The following EIF4E2 variants were observed in gnomAD, a reference collection of about 807,000 sequenced individuals.
EIF4E2 encodes eukaryotic translation initiation factor 4E family member 2.
A neutral mutation model predicts 34.2 loss-of-function variants in EIF4E2; 13 were observed. The ratio of observed to expected loss-of-function variants is 0.38; its 90% CI spans 0.25 to 0.60. The LOEUF is 0.60. Ranked by LOEUF, EIF4E2 falls within the 20% of genes least tolerant of loss-of-function variation. The pLI, the probability that EIF4E2 is intolerant of heterozygous loss-of-function variation, is 0.62. For synonymous variants in EIF4E2, 100 were observed against 106.6 expected, an observed-to-expected ratio of 0.94 and a Z score of 0.38; for missense variants, 222 against 315.1, an observed-to-expected ratio of 0.70 and a Z score of 2.24.
chr2:232,578,699 C>T (rs751199703), intron 6 of EIF4E2, among the ~76,000 whole-genome samples: 5 of 151,960 alleles, frequency 3.3e-5, no homozygotes, highest in Admixed American at 1.3e-4. Flanking sequence ...GAATTTATTT[C>T]TGGCCCACCT....
intron 6 of EIF4E2, chr2:232,567,927 C>T (rs1479648115): frequency 1.0e-6 from 1 of 984,388 alleles, no homozygotes; most frequent in Non-Finnish European, 1.2e-6. Flanking sequence ...GGAGGGAGAG[C>T]TAGCCAGCTA....
At chr2:232,563,141 T>G (rs1291210458) in intron 3 of EIF4E2, among the ~76,000 whole-genome samples, 3 of 152,260 alleles carry the variant, frequency 2.0e-5, no homozygotes, top group Non-Finnish European at 4.4e-5. Flanking sequence ...CTCAGCAGTT[T>G]AGCAGATACC....
chr2:232,574,350 T>C lies in EIF4E2; in HGVS notation c.666-6554T>C, dbSNP rs1408893253. The C allele has an allele frequency of 1.6e-5, 25 of 1,550,450 alleles. 1 individual carries two copies. The South Asian group carries it at 2.4e-4, about 15-fold the overall frequency. On this transcript the variant is annotated intron_variant, in intron 6 of 6. Transcript: ENST00000409098. ...TGTCTCTCACACTCAGGGTAGGGCC[T>C]TGTCTATCTTCTCTGTAACCCTGTG...
intron 1 of EIF4E2, among the ~76,000 whole-genome samples, chr2:232,554,986 G>C (rs370164461): frequency 6.6e-6 from 1 of 152,182 alleles, no homozygotes; most frequent in African/African-American, 2.4e-5. Context: ...ACCAGGGTAG[G>C]GATGGGAAGG....
In EIF4E2 at chr2:232,556,609, A is replaced by G. The variant is rs987285853; in HGVS notation, c.135+79A>G. ...CTTGTGGAATCTGTTTATCTGGAAGATACCAGATTAACTTGATGGCATCCT... is the reference window on the plus strand; with the variant it reads ...CTTGTGGAATCTGTTTATCTGGAAGGTACCAGATTAACTTGATGGCATCCT... On this transcript the variant is annotated intron_variant, in intron 2 of 6. Transcript: ENST00000258416. The G allele has an allele frequency of 1.1e-5, 11 of 1,035,962 alleles. No individual in the cohort carries two copies. The African/African-American group carries it at 1.4e-4, about 13-fold the overall frequency. 64.2% of individuals were successfully genotyped at this position (1,035,962 alleles called of 1,614,324 possible). A position where few individuals can be genotyped will look rare whatever the true frequency, so the allele number is the denominator to read the frequency against.
At chr2:232,556,558 G>C in intron 2 of EIF4E2, 28 bp downstream of exon 2, 2 of 1,472,496 alleles carry the variant, frequency 1.4e-6, no homozygotes, top group Non-Finnish European at 1.8e-6. Context: ...AGATGTAGTT[G>C]CCTTTGAACT....
At chr2:232,583,166 A>T (rs961813356) in exon 7 of EIF4E2, 1 of 152,214 alleles carries the variant, frequency 6.6e-6, no homozygotes, top group African/African-American at 2.4e-5. Context: ...GCAAAGGGAT[A>T]AAGGTCTACC....
chr2:232,571,445 G>C (rs1693089124), downstream of EIF4E2, among the ~76,000 whole-genome samples: 1 of 152,198 alleles, frequency 6.6e-6, no homozygotes, highest in African/African-American at 2.4e-5. Flanking sequence ...GGGGCTACCA[G>C]GATAAAACTG....
intron 6 of EIF4E2, among the ~76,000 whole-genome samples, chr2:232,577,800 C>T (rs1400028414): frequency 1.3e-5 from 2 of 152,174 alleles, no homozygotes; most frequent in Non-Finnish European, 2.9e-5. Flanking sequence ...TAAGCATAGC[C>T]CATTTGCTGT....
In EIF4E2 at chr2:232,566,889, C is replaced by G. The variant is rs770708405; in HGVS notation, c.436C>G (p.Arg146Gly). Residue 146 changes from arginine (R) to glycine (G), a missense_variant, in exon 5 of 7, where the codon CGT becomes GGT. Transcript: ENST00000258416. The surrounding 1 kb of genome is among the most constrained non-coding windows in gnomAD (Gnocchi z 4.9). ...TCGGCTGCGGAAGGGCTTGGCCTCC[C>G]GTTGCTGGGAGAATCTCATTTTGGC... ...IIRLRKGLAS[R>G]CWENLILAML... 1 of 1,613,510 alleles carries G rather than the reference C, an allele frequency of 6.2e-7. No homozygotes were observed. Among genetic ancestry groups the G allele is most frequent in the East Asian group, 2.2e-5 (1 of 44,870 alleles).
chr2:232,561,243 G>A (rs1316022815), intron 3 of EIF4E2, among the ~76,000 whole-genome samples: 1 of 152,056 alleles, frequency 6.6e-6, no homozygotes, highest in African/African-American at 2.4e-5. Context: ...AAACCAGCCT[G>A]GGCAACATAG....
At chr2:232,579,587 A>G (rs1035850044) in intron 6 of EIF4E2, among the ~76,000 whole-genome samples, 5 of 152,208 alleles carry the variant, frequency 3.3e-5, no homozygotes, top group Non-Finnish European at 5.9e-5. Flanking sequence ...AGTAACAGAA[A>G]GAAACTGCTG....
At chr2:232,563,558 C>G (rs1692801998) in intron 3 of EIF4E2, among the ~76,000 whole-genome samples, 1 of 152,116 alleles carries the variant, frequency 6.6e-6, no homozygotes, top group Admixed American at 6.5e-5. Flanking sequence ...AGAAGAGGGC[C>G]TTAAACCCTA....
At chr2:232,550,998 G>C in intron 1 of EIF4E2, 1 of 616,056 alleles carries the variant, frequency 1.6e-6, no homozygotes, top group South Asian at 1.9e-5. Flanking sequence ...GTGCCGCCCG[G>C]TAGGGGGAGA....
At chr2:232,557,253 A>G (rs1692554898) in intron 2 of EIF4E2, among the ~76,000 whole-genome samples, 1 of 152,200 alleles carries the variant, frequency 6.6e-6, no homozygotes, top group South Asian at 2.1e-4. Flanking sequence ...CAAAAAAACA[A>G]ACAAAGAAAT....
At chr2:232,563,951 G>A (rs1429761929) in intron 3 of EIF4E2, among the ~76,000 whole-genome samples, 3 of 152,168 alleles carry the variant, frequency 2.0e-5, no homozygotes, top group East Asian at 3.9e-4. Context: ...GTGGGAGAGT[G>A]CGTATTAACA....
At chr2:232,568,620 GAGAGGGAA>G (rs1693015001) in intron 6 of EIF4E2, 2 of 985,334 alleles carry the variant, frequency 2.0e-6, no homozygotes, top group South Asian at 9.4e-5. Context: ...ACCTGGATAG[GAGAGGGAA>G]AGAGGTATTT....
chr2:232,553,108 G>A (rs1692402950), intron 1 of EIF4E2, among the ~76,000 whole-genome samples: 1 of 152,134 alleles, frequency 6.6e-6, no homozygotes, highest in South Asian at 2.1e-4. Context: ...GTTACTGTAT[G>A]GACTCAACTT....
intron 1 of EIF4E2, among the ~76,000 whole-genome samples, chr2:232,555,330 G>A (rs1222630738): frequency 6.6e-6 from 1 of 152,158 alleles, no homozygotes; most frequent in African/African-American, 2.4e-5. Flanking sequence ...ATGAATTAAT[G>A]GTCCAGCCCT....
Sources: allele counts gnomAD v4.1 joint callset (sites outside exome capture counted in the v4.1 genomes callset), GRCh38; gene constraint gnomAD v4.1.1; non-coding constraint Gnocchi (gnomAD v3.1); transcripts MANE v1.5; gene names NCBI Gene and HGNC (gene_info 2026-07-23, HGNC 2026-07-21).